NEDD8: variants seen among roughly 807,000 people sequenced by gnomAD.
NEDD8 encodes the protein ubiquitin-like protein NEDD8.
Under a neutral mutation model 13.8 loss-of-function variants are expected in NEDD8, and 1 was observed. The ratio of observed to expected loss-of-function variants is 0.07; its 90% CI spans 0.03 to 0.34. The LOEUF (loss-of-function observed/expected upper bound fraction) is 0.34, where lower values mean the gene tolerates loss of function less well. NEDD8 is among the 10% of genes least tolerant of loss of function. NEDD8 has a pLI of 0.99. For missense variants in NEDD8, 10 were observed against 95.2 expected (o/e 0.10, Z 3.73); for synonymous variants, 31 against 33.2 (o/e 0.93, Z 0.23).
Position 24,217,004 on chromosome 14 carries a change from C to T in NEDD8, c.*123G>A. ...ATCCTGGGATCCTCACAGTCTCCCA[C>T]CAGTAGACATACATTACTGGGCATC... On this transcript the variant is annotated 3_prime_UTR_variant, in exon 4 of 4. Transcript: ENST00000250495. 3.9e-6 allele frequency: 3 copies of T among 770,948 alleles called. No homozygotes were observed. The highest frequency in any genetic ancestry group is 5.6e-5 in the Admixed American group (2 of 35,888). The allele number at this position is 770,948 out of a possible 1,614,324, so 47.8% of individuals were successfully genotyped here.
In NEDD8 at chr14:24,217,008, T is replaced by A. The variant is rs11538588; in HGVS notation, c.*119A>T. 0.055 allele frequency: 42,669 copies of A among 782,254 alleles called. 1,500 individuals carry two copies. The highest frequency in any genetic ancestry group is 0.072 in the Non-Finnish European group (34,920 of 481,750). The allele number at this position is 782,254 out of a possible 1,614,324, so 48.5% of individuals were successfully genotyped here. On this transcript the variant is annotated 3_prime_UTR_variant, in exon 4 of 4. Coordinates refer to ENST00000250495, the MANE Select transcript of NEDD8 (RefSeq NM_006156.3). ...TGGGATCCTCACAGTCTCCCACCAG[T>A]AGACATACATTACTGGGCATCCAGG... is the stretch of plus-strand genomic sequence containing the variant.
intron 1 of NEDD8, chr14:24,227,241 T>G (rs2039904652): frequency 6.6e-6 from 1 of 152,222 alleles, no homozygotes; most frequent in Admixed American, 6.5e-5. Flanking sequence ...TTTTACTGTA[T>G]GTTAAAAAAC....
intron 1 of NEDD8, among the ~76,000 whole-genome samples, chr14:24,225,922 C>G: frequency 6.6e-6 from 1 of 151,942 alleles, no homozygotes; most frequent in East Asian, 1.9e-4. Context: ...GCACCTGTAT[C>G]CCAGCTATGC....
At chr14:24,222,989 G>A (rs1464756746) in intron 1 of NEDD8, among the ~76,000 whole-genome samples, 3 of 151,314 alleles carry the variant, frequency 2.0e-5, no homozygotes, top group South Asian at 2.1e-4. Context: ...GGGAGGCTGA[G>A]GCAGGAGAAT....
intron 1 of NEDD8, chr14:24,226,892 C>T (rs2039899334): frequency 1.3e-5 from 2 of 152,142 alleles, no homozygotes; most frequent in African/African-American, 4.8e-5. Context: ...TAACAATGTT[C>T]ATAGAAGACT....
chr14:24,220,971 AAGG>A (rs2039798723), intron 1 of NEDD8, among the ~76,000 whole-genome samples: 1 of 152,210 alleles, frequency 6.6e-6, no homozygotes, highest in African/African-American at 2.4e-5. Flanking sequence ...ATTTCCCAAC[AAGG>A]AGAATGATTT....
chr14:24,217,307 T>G, intron 3 of NEDD8, 84 bp from the exon 4 acceptor site: 4 of 1,060,042 alleles, frequency 3.8e-6, no homozygotes, highest in South Asian at 2.9e-5. Flanking sequence ...TGTTGTTGTT[T>G]TTGACAGAGT....
intron 1 of NEDD8, chr14:24,227,771 G>C (rs1429743747): frequency 2.0e-5 from 3 of 152,234 alleles, no homozygotes; most frequent in Non-Finnish European, 4.4e-5. Flanking sequence ...AAATATGGAA[G>C]AAGTCAGCTA....
At chr14:24,232,081 A>C in intron 1 of NEDD8, 169 bp downstream of exon 1, 2 of 1,070,658 alleles carry the variant, frequency 1.9e-6, no homozygotes, top group Non-Finnish European at 2.6e-6. Context: ...CCCCGCTCTC[A>C]AAGCCCTTCT....
chr14:24,231,961 T>A, intron 1 of NEDD8: 1 of 418,768 alleles, frequency 2.4e-6, no homozygotes, highest in Non-Finnish European at 4.3e-6. Flanking sequence ...ACTGCGGGGG[T>A]TCGAATACAG....
At chr14:24,230,320 G>C (rs924948856) in intron 1 of NEDD8, among the ~76,000 whole-genome samples, 1 of 147,972 alleles carries the variant, frequency 6.8e-6, no homozygotes, top group African/African-American at 2.5e-5. Flanking sequence ...GGATCACGAG[G>C]TCAGGAGATC....
At chr14:24,226,371 C>A (rs555954654) in intron 1 of NEDD8, among the ~76,000 whole-genome samples, 1 of 143,522 alleles carries the variant, frequency 7.0e-6, no homozygotes, top group Non-Finnish European at 1.5e-5. Flanking sequence ...GACGCTTGAA[C>A]GAAGGTGGAG....
intron 1 of NEDD8, among the ~76,000 whole-genome samples, chr14:24,230,605 CCT>C (rs777255381): frequency 9.7e-4 from 146 of 150,090 alleles, no homozygotes; most frequent in African/African-American, 1.2e-3. Context: ...ATTTTCTCCC[CCT>C]CTCTCTTTCT....
At position 24,217,872 on chromosome 14, in the gene NEDD8, A is replaced by G; in HGVS notation, c.149+261T>C. On this transcript the variant is annotated intron_variant, in intron 3 of 3. Coordinates refer to ENST00000250495, the MANE Select transcript of NEDD8 (RefSeq NM_006156.3). ...AGATCTTATGCATTAATAAAAAAGT[A>G]CATATATTACTATATCACAAATTTG... The G allele has an allele frequency of 5.1e-6, 2 of 391,540 alleles. 1 individual carries two copies. 24.3% of individuals were successfully genotyped at this position (391,540 alleles called of 1,614,324 possible).
At chr14:24,222,167 C>T (rs143136548) in intron 1 of NEDD8, among the ~76,000 whole-genome samples, 3 of 152,006 alleles carry the variant, frequency 2.0e-5, no homozygotes, top group Admixed American at 2.0e-4. Context: ...GTTATTGCAA[C>T]CTTTTGATAC....
rs188370042 is a variant in NEDD8 at position 24,219,736 on chromosome 14, C to T, written c.19-1305G>A. Among the ~76,000 whole-genome samples the T allele has an allele frequency of 5.9e-5, 9 of 152,224 alleles. No individual in the cohort carries two copies. In the East Asian group the frequency reaches 1.7e-3, roughly 29 times the overall value. Reference sequence around the variant, plus strand: ...TGTATTAGTCTACAGTGATCCAGGCCACAAACACACCATGCTCATTCTAAT... The same window carrying T: ...TGTATTAGTCTACAGTGATCCAGGCTACAAACACACCATGCTCATTCTAAT... On this transcript the variant is annotated intron_variant, in intron 1 of 3. Transcript: ENST00000250495.
At chr14:24,230,969 G>A (rs1228832056) in intron 1 of NEDD8, among the ~76,000 whole-genome samples, 1 of 149,526 alleles carries the variant, frequency 6.7e-6, no homozygotes, top group African/African-American at 2.5e-5. Flanking sequence ...TGCTCACCGC[G>A]GCTTCGACAT....
chr14:24,217,097 A>G lies in NEDD8; in HGVS notation c.*30T>C. ...GATATATGATGCCTCATTATGAGCGACAGGGTAAAGAGGTAAAATGGAGGG... is the reference window on the plus strand; with the variant it reads ...GATATATGATGCCTCATTATGAGCGGCAGGGTAAAGAGGTAAAATGGAGGG... On this transcript the variant is annotated 3_prime_UTR_variant, in exon 4 of 4. Coordinates refer to ENST00000250495, the MANE Select transcript of NEDD8 (RefSeq NM_006156.3). The G allele has an allele frequency of 6.4e-7, 1 of 1,571,544 alleles. No individual in the cohort carries two copies. Among genetic ancestry groups the G allele is most frequent in the Non-Finnish European group, 8.7e-7 (1 of 1,147,102 alleles).
chr14:24,228,724 A>G (rs1165229722), intron 1 of NEDD8: 2 of 150,364 alleles, frequency 1.3e-5, no homozygotes, highest in Non-Finnish European at 3.0e-5. Context: ...TGTCTCAAAA[A>G]AAAAAAAAAA....
Sources: gnomAD v4.1 joint callset for allele counts (sites outside exome capture counted in the v4.1 genomes callset) on GRCh38, gnomAD v4.1.1 for gene constraint, MANE v1.5 for transcripts, NCBI Gene and HGNC (gene_info 2026-07-23, HGNC 2026-07-21) for gene names.